Variants in GLIS3 observed in about 807,000 individuals in gnomAD.
GLIS3 encodes the protein zinc finger protein GLIS3.
Under a neutral mutation model 78.6 loss-of-function variants are expected in GLIS3, and 53 were observed. The ratio of observed to expected loss-of-function variants is 0.67; its 90% CI spans 0.54 to 0.85. The LOEUF is 0.85. Ranked by LOEUF, GLIS3 falls within the 40% of genes least tolerant of loss-of-function variation. GLIS3 has a pLI of 0.00. For missense variants in GLIS3, 1,703 were observed against 1,231.1 expected (o/e 1.38, Z -5.74); for synonymous variants, 684 against 509.9 (o/e 1.34, Z -4.60).
At chr9:4,397,953 C>T in the GLIS3 span, among the ~76,000 whole-genome samples, 2 of 152,050 alleles carry the variant, frequency 1.3e-5, no homozygotes, top group African/African-American at 4.8e-5. Flanking sequence ...TCCCCATTCA[C>T]ACTGTTCCCC....
intron 2 of GLIS3, among the ~76,000 whole-genome samples, chr9:4,279,566 G>A (rs1245020650): frequency 6.6e-6 from 1 of 151,732 alleles, no homozygotes; most frequent in African/African-American, 2.4e-5. Flanking sequence ...AATGTATTGT[G>A]AAAACCTGGG....
At chr9:4,410,403 T>C in the GLIS3 span, among the ~76,000 whole-genome samples, 7 of 152,170 alleles carry the variant, frequency 4.6e-5, no homozygotes, top group African/African-American at 1.7e-4. Flanking sequence ...TTAGTTACAG[T>C]TGTAGGCCAA....
intron 2 of GLIS3, among the ~76,000 whole-genome samples, chr9:4,243,858 C>T (rs1823556604): frequency 6.6e-6 from 1 of 152,184 alleles, no homozygotes; most frequent in South Asian, 2.1e-4. Context: ...ACCTAACCCA[C>T]CTGGTACAGG....
At chr9:3,955,053 G>C (rs908863733) in intron 4 of GLIS3, among the ~76,000 whole-genome samples, 3 of 152,232 alleles carry the variant, frequency 2.0e-5, no homozygotes, top group African/African-American at 7.2e-5. Context: ...TCACGACGTA[G>C]AGGGGACAAG....
intron 9 of GLIS3, among the ~76,000 whole-genome samples, chr9:3,848,366 G>A (rs1819194788): frequency 6.6e-6 from 1 of 152,142 alleles, no homozygotes; most frequent in African/African-American, 2.4e-5. Context: ...GCTGGGCGTG[G>A]TGGCGCATGC....
intron 4 of GLIS3, among the ~76,000 whole-genome samples, chr9:4,088,305 C>A (rs1475109141): frequency 6.6e-6 from 1 of 152,208 alleles, no homozygotes; most frequent in African/African-American, 2.4e-5. Flanking sequence ...TCCTGTGGGT[C>A]TAGCCCAATC....
chr9:4,060,841 T>C (rs968847840), intron 4 of GLIS3, among the ~76,000 whole-genome samples: 3 of 152,210 alleles, frequency 2.0e-5, no homozygotes, highest in Non-Finnish European at 4.4e-5. Flanking sequence ...TTTATTCTTC[T>C]CTGTAGTTCA....
chr9:4,393,147 A>T, the GLIS3 span, among the ~76,000 whole-genome samples: 1 of 152,110 alleles, frequency 6.6e-6, no homozygotes, highest in Non-Finnish European at 1.5e-5. Flanking sequence ...GGAACTCTGT[A>T]TATCTTTTAC....
At chr9:4,051,096 A>G (rs1588543879) in intron 4 of GLIS3, among the ~76,000 whole-genome samples, 1 of 152,216 alleles carries the variant, frequency 6.6e-6, no homozygotes, top group African/African-American at 2.4e-5. Flanking sequence ...CGTGAGGCCT[A>G]AAATTCTCCT....
intron 2 of GLIS3, among the ~76,000 whole-genome samples, chr9:4,334,759 G>A (rs1038113779): frequency 4.6e-5 from 7 of 152,156 alleles, no homozygotes; most frequent in Non-Finnish European, 7.3e-5. Context: ...TGCTACAGAA[G>A]GCCACTTACA....
intron 2 of GLIS3, among the ~76,000 whole-genome samples, chr9:4,238,254 T>C (rs1265698270): frequency 2.0e-5 from 3 of 151,566 alleles, no homozygotes; most frequent in Non-Finnish European, 4.4e-5. Flanking sequence ...GGAGGTGATC[T>C]CTTAATAGAA....
intron 2 of GLIS3, among the ~76,000 whole-genome samples, chr9:4,339,976 C>T (rs534895069): frequency 4.0e-5 from 6 of 150,172 alleles, no homozygotes; most frequent in African/African-American, 1.2e-4. Flanking sequence ...AACATTCTCT[C>T]ATTTGGTATT....
At chr9:4,235,298 C>CAAAAAAAA (rs60654092) in intron 2 of GLIS3, among the ~76,000 whole-genome samples, 2 of 106,066 alleles carry the variant, frequency 1.9e-5, no homozygotes, top group African/African-American at 3.9e-5. Context: ...GACTCTGTCT[C>CAAAAAAAA]AAAAAAAAAA....
chr9:4,198,895 T>C (rs1396081557), intron 2 of GLIS3, among the ~76,000 whole-genome samples: 1 of 152,164 alleles, frequency 6.6e-6, no homozygotes, highest in African/African-American at 2.4e-5. Flanking sequence ...CAGGAGAGAT[T>C]AGATGTCAAT....
At chr9:3,996,636 C>T (rs1350084243) in intron 4 of GLIS3, among the ~76,000 whole-genome samples, 2 of 151,972 alleles carry the variant, frequency 1.3e-5, no homozygotes, top group African/African-American at 4.8e-5. Context: ...AGGAAAAAAA[C>T]TGCAAAACTA....
rs772254189 is a variant in GLIS3, at chr9:4,266,126, T to A, written c.388+19912A>T. ...GTAGAGACAAGGTTTCACCATGTTA[T>A]CCAGGATGGTCTCGATCTCCTGACC... On this transcript the variant is annotated intron_variant, in intron 2 of 10. Coordinates refer to ENST00000381971, the MANE Select transcript of GLIS3 (RefSeq NM_001042413.2). Among the ~76,000 whole-genome samples, 2 of 151,720 alleles carry A rather than the reference T, an allele frequency of 1.3e-5. 1 individual carries two copies. Among genetic ancestry groups the A allele is most frequent in the South Asian group, 4.2e-4 (2 of 4,792 alleles).
chr9:3,848,486 G>A (rs1308649414), intron 9 of GLIS3, among the ~76,000 whole-genome samples: 1 of 152,162 alleles, frequency 6.6e-6, no homozygotes. Context: ...TGGACGACAA[G>A]AGCGAAACTC....
At chr9:4,289,213 C>G (rs554719220) in intron 1 of GLIS3, among the ~76,000 whole-genome samples, 1 of 152,224 alleles carries the variant, frequency 6.6e-6, no homozygotes, top group East Asian at 1.9e-4. Flanking sequence ...ATAAAAAGTT[C>G]AGGAATTTGG....
At chr9:4,487,008 C>A in the GLIS3 span, among the ~76,000 whole-genome samples, 3 of 152,064 alleles carry the variant, frequency 2.0e-5, no homozygotes, top group Admixed American at 1.3e-4. Context: ...CTATGGTAGA[C>A]ACTTTGGAAA....
Sources: allele counts gnomAD v4.1 joint callset (sites outside exome capture counted in the v4.1 genomes callset), GRCh38; gene constraint gnomAD v4.1.1; transcripts MANE v1.5; gene names NCBI Gene and HGNC (gene_info 2026-07-23, HGNC 2026-07-21).